Variants in KLF7 observed in about 807,000 individuals in gnomAD.
KLF7 encodes KLF transcription factor 7.
Under a neutral mutation model 27.3 loss-of-function variants are expected in KLF7, and 2 were observed. The observed-to-expected ratio is 0.07, with a 90% CI of 0.03 to 0.23. The LOEUF (loss-of-function observed/expected upper bound fraction) is 0.23. KLF7 is among the 10% of genes least tolerant of loss of function. KLF7 has a pLI of 1.00. For missense variants in KLF7, 221 were observed against 394.1 expected (o/e 0.56, Z 3.72); for synonymous variants, 165 against 162.4 (o/e 1.02, Z -0.12).
intron 1 of KLF7, chr2:207,149,113 TC>T: frequency 7.8e-7 from 1 of 1,277,106 alleles, no homozygotes; most frequent in Non-Finnish European, 1.0e-6. Flanking sequence ...ATCTGTCTTT[TC>T]CCCAGTCCCA....
At chr2:207,118,270 T>C (rs564515129) in intron 2 of KLF7, among the ~76,000 whole-genome samples, 1 of 152,046 alleles carries the variant, frequency 6.6e-6, no homozygotes, top group Non-Finnish European at 1.5e-5. Flanking sequence ...ACACTAACAT[T>C]AAAAAAAGTG....
chr2:207,133,108 G>C (rs1469924599), intron 1 of KLF7, among the ~76,000 whole-genome samples: 2 of 152,092 alleles, frequency 1.3e-5, no homozygotes, highest in Non-Finnish European at 2.9e-5. Context: ...GCAGAGCTGG[G>C]GCCTAGAAGA....
rs111694091 is a variant in KLF7 at position 207,142,755 on chromosome 2, C to G, written c.103-18351G>C. ...GAGAGGTGAAAGCCCCACTGTGTGT[C>G]TGGAAAAGGATGAGCAGTCTAGGAT... On this transcript the variant is annotated intron_variant, in intron 1 of 3. Transcript: ENST00000309446. Among the ~76,000 whole-genome samples, 820 of 152,000 alleles carry G rather than the reference C, an allele frequency of 5.4e-3. 2 individuals are homozygous for G. The highest frequency in any genetic ancestry group is 7.2e-3 in the Non-Finnish European group (492 of 67,940).
chr2:207,140,725 T>C (rs992121809), intron 1 of KLF7, among the ~76,000 whole-genome samples: 1 of 152,154 alleles, frequency 6.6e-6, no homozygotes, highest in African/African-American at 2.4e-5. Flanking sequence ...AGTAGTTGTG[T>C]CTATAATCAC....
chr2:207,116,211 T>G (rs576993795), intron 2 of KLF7, among the ~76,000 whole-genome samples: 323 of 152,302 alleles, frequency 2.1e-3, no homozygotes, highest in Non-Finnish European at 3.5e-3. Flanking sequence ...ACAGCTGCAT[T>G]TACTCATCAG....
At chr2:207,105,656 G>A (rs536059078) in intron 2 of KLF7, among the ~76,000 whole-genome samples, 5 of 152,110 alleles carry the variant, frequency 3.3e-5, no homozygotes, top group Non-Finnish European at 5.9e-5. Context: ...CTCCATGTTG[G>A]GCTGTTTCCT....
In KLF7 at chr2:207,165,652, C is replaced by G. The variant is rs1351351981; in HGVS notation, c.-84G>C. On this transcript the variant is annotated 5_prime_UTR_variant, in exon 1 of 4. Coordinates refer to ENST00000309446, the MANE Select transcript of KLF7 (RefSeq NM_003709.4). ...TTTGTTTGTCAGTCTGTCTGGCTCA[C>G]CCCCCAAGAAGGCAGACATCCAGTG... 1.8e-5 allele frequency: 29 copies of G among 1,588,766 alleles called. No individual in the cohort carries two copies. Among genetic ancestry groups the G allele is most frequent in the Non-Finnish European group, 2.2e-5 (26 of 1,167,346 alleles).
chr2:207,102,232 A>T (rs1015373410), intron 2 of KLF7, among the ~76,000 whole-genome samples: 1 of 151,250 alleles, frequency 6.6e-6, no homozygotes, highest in African/African-American at 2.4e-5. Flanking sequence ...AAACACCCCC[A>T]CACAATCTGT....
intron 3 of KLF7, among the ~76,000 whole-genome samples, chr2:207,082,752 C>A (rs2287504): frequency 0.18 from 26,798 of 152,118 alleles, 2,982 homozygotes; most frequent in African/African-American, 0.31. Flanking sequence ...AAACTCCTGT[C>A]AGAATGTTAG....
At chr2:207,108,437 C>T (rs1376508702) in intron 2 of KLF7, among the ~76,000 whole-genome samples, 1 of 152,166 alleles carries the variant, frequency 6.6e-6, no homozygotes, top group Non-Finnish European at 1.5e-5. Flanking sequence ...AACACAGGAT[C>T]ACACACAAAA....
intron 1 of KLF7, among the ~76,000 whole-genome samples, chr2:207,129,469 G>A (rs1052947532): frequency 2.6e-5 from 4 of 152,174 alleles, no homozygotes; most frequent in African/African-American, 7.2e-5. Flanking sequence ...AGTCACAGAT[G>A]AGCTTTGTGA....
intron 1 of KLF7, among the ~76,000 whole-genome samples, chr2:207,142,851 T>G (rs2077982285): frequency 6.6e-6 from 1 of 152,212 alleles, no homozygotes; most frequent in Non-Finnish European, 1.5e-5. Context: ...ATGTCTTCTA[T>G]TTTTGGCTGA....
upstream of KLF7, among the ~76,000 whole-genome samples, chr2:207,167,779 C>T (rs929292140): frequency 6.6e-6 from 1 of 152,206 alleles, no homozygotes; most frequent in Non-Finnish European, 1.5e-5. Flanking sequence ...CTACCCATCT[C>T]AGAAACAGAA....
intron 2 of KLF7, among the ~76,000 whole-genome samples, chr2:207,122,529 C>T (rs916105111): frequency 2.0e-5 from 3 of 152,078 alleles, no homozygotes; most frequent in African/African-American, 7.2e-5. Flanking sequence ...TTGAAAGGGG[C>T]CCTAAGAGCC....
rs148728743 is a variant in KLF7, at chr2:207,096,725, G to C, written c.734-8144C>G. ...TGGCCAGGATGTGAATTTTGTGAGGGCAGGGGCCACATTTGACTTGTTCGC... is the reference window on the plus strand; with the variant it reads ...TGGCCAGGATGTGAATTTTGTGAGGCCAGGGGCCACATTTGACTTGTTCGC... On this transcript the variant is annotated intron_variant, in intron 2 of 3. Coordinates refer to ENST00000309446, the MANE Select transcript of KLF7 (RefSeq NM_003709.4). Among the ~76,000 whole-genome samples, 80 of 152,278 alleles carry C rather than the reference G, an allele frequency of 5.3e-4. 1 individual carries two copies. The highest frequency in any genetic ancestry group is 1.9e-3 in the African/African-American group (79 of 41,544).
At chr2:207,161,361 A>C (rs556992886) in intron 1 of KLF7, among the ~76,000 whole-genome samples, 10 of 152,342 alleles carry the variant, frequency 6.6e-5, no homozygotes, top group South Asian at 6.2e-4. Flanking sequence ...CCAAAAAAAA[A>C]CAGTTATTTT....
At position 207,115,606 on chromosome 2, in the gene KLF7, C is replaced by T. The variant is rs144989749; in HGVS notation, c.733+8168G>A. ...AACATTTAGCTTAATAATGTCATGT[C>T]AATACATTAACAAATTGTTGAAAGG... On this transcript the variant is annotated intron_variant, in intron 2 of 3. Transcript: ENST00000309446. Among the ~76,000 whole-genome samples, 517 of 152,180 alleles carry T rather than the reference C, an allele frequency of 3.4e-3. 3 individuals are homozygous for T. Among genetic ancestry groups the T allele is most frequent in the African/African-American group, 0.012 (499 of 41,504 alleles).
intron 2 of KLF7, among the ~76,000 whole-genome samples, chr2:207,100,329 T>C (rs75750161): frequency 6.6e-6 from 1 of 152,174 alleles, no homozygotes; most frequent in Non-Finnish European, 1.5e-5. Context: ...TGATTAAACA[T>C]TTTTTTAGAG....
upstream of KLF7, chr2:207,166,042 C>T (rs544200689): frequency 0.012 from 4,202 of 356,526 alleles, 16 homozygotes; most frequent in Non-Finnish European, 0.014. Context: ...TCCCTCCCCA[C>T]CCCCCACCCC....
Sources: gnomAD v4.1 joint callset for allele counts (sites outside exome capture counted in the v4.1 genomes callset) on GRCh38, gnomAD v4.1.1 for gene constraint, MANE v1.5 for transcripts, NCBI Gene and HGNC (gene_info 2026-07-23, HGNC 2026-07-21) for gene names.